The following ADAR variants were observed in gnomAD, a reference collection of about 807,000 sequenced individuals.
The protein encoded by ADAR is adenosine deaminase RNA specific.
In ADAR, 41 loss-of-function variants were observed where a neutral mutation model predicts 113.2. The observed-to-expected ratio is 0.36, with a 90% confidence interval of 0.28 to 0.47. The LOEUF is 0.47. Ranked by LOEUF, ADAR falls within the 20% of genes least tolerant of loss-of-function variation. ADAR has a pLI of 1.00. For synonymous variants in ADAR, 605 were observed against 572.6 expected, an observed-to-expected ratio of 1.06 and a Z score of -0.81; for missense variants, 1,242 against 1,540.9, an observed-to-expected ratio of 0.81 and a Z score of 3.25.
At chr1:154,620,296 A>G (rs1698752347) in intron 1 of ADAR, among the ~76,000 whole-genome samples, 1 of 152,136 alleles carries the variant, frequency 6.6e-6, no homozygotes, top group South Asian at 2.1e-4. Flanking sequence ...AATCCCAGCT[A>G]CTTGGGAGGC....
Position 154,590,337 on chromosome 1 carries a change from C to T in ADAR, c.2343G>A (p.Lys781=), listed in dbSNP as rs1004131934. ...AVCAHSKKQG[K]QEAADAALRV... ...GGAGAGCCGCATCTGCTGCTTCCTG[C>T]TTGCCTTGCTTCTTGCTGTGTGCGC... is the stretch of plus-strand genomic sequence containing the variant. The change falls in exon 7 of 15, where the codon AAG becomes AAA. Residue 781 remains lysine (K), a synonymous_variant. Coordinates refer to ENST00000368474, the MANE Select transcript of ADAR (RefSeq NM_001111.5). 3.1e-6 allele frequency: 5 copies of T among 1,614,182 alleles called. No individual in the cohort carries two copies. Among genetic ancestry groups the T allele is most frequent in the Non-Finnish European group, 8.5e-7 (1 of 1,180,038 alleles).
rs147331601 is a variant in ADAR at position 154,602,435 on chromosome 1, T to C, written c.207A>G (p.Pro69=). The C allele has an allele frequency of 3.7e-6, 6 of 1,611,582 alleles. No homozygotes were observed. Among genetic ancestry groups the C allele is most frequent in the Non-Finnish European group, 5.1e-6 (6 of 1,178,526 alleles). Residue 69 remains proline (P), a synonymous_variant, in exon 2 of 15, where the codon CCA becomes CCG. Transcript: ENST00000368474. ...GTACTGGAAACCTTGGCCGGAGTCC[T>C]GGGAGGGAAGGTGGCAGTGACGGTG... is the stretch of plus-strand genomic sequence containing the variant. ...KQTPSLPPSL[P]GLRPRFPVLL...
intron 1 of ADAR, among the ~76,000 whole-genome samples, chr1:154,618,969 G>A (rs1324589176): frequency 6.6e-6 from 1 of 152,164 alleles, no homozygotes; most frequent in Admixed American, 6.5e-5. Flanking sequence ...CATTAGCCGG[G>A]CGTGGTGGCA....
In ADAR at chr1:154,590,141, A is replaced by AC. The variant is rs3215061; in HGVS notation, c.2496+42dup. ...CCACCTCCACTTAGGAGTTAGGAGG[A>AC]CCCCCCCGCCCCAAAAAAGGCACCA... On this transcript the variant is annotated intron_variant, in intron 7 of 14. Coordinates refer to ENST00000368474, the MANE Select transcript of ADAR (RefSeq NM_001111.5). The AC allele has an allele frequency of 0.11, 82,281 of 731,230 alleles. 2,576 individuals carry two copies. The highest frequency in any genetic ancestry group is 0.28 in the African/African-American group (12,439 of 44,958). 45.3% of individuals were successfully genotyped at this position (731,230 alleles called of 1,614,324 possible).
chr1:154,604,312 C>T (rs984911094), intron 1 of ADAR, among the ~76,000 whole-genome samples: 2 of 152,242 alleles, frequency 1.3e-5, no homozygotes, highest in Non-Finnish European at 2.9e-5. Flanking sequence ...GTGGAACCTG[C>T]TCCTCGCATG....
intron 11 of ADAR, among the ~76,000 whole-genome samples, chr1:154,587,729 C>T (rs535028851): frequency 1.3e-5 from 2 of 152,324 alleles, no homozygotes; most frequent in Admixed American, 1.3e-4. Context: ...ATTTGGCATC[C>T]TCATCTGTCA....
upstream of ADAR, among the ~76,000 whole-genome samples, chr1:154,612,329 T>TG (rs1259056872): frequency 1.5e-5 from 2 of 131,070 alleles, no homozygotes; most frequent in Non-Finnish European, 3.3e-5. Context: ...TTTTTTTTTT[T>TG]TTTTTTTTTT....
intron 3 of ADAR, 40 bp from the exon 4 acceptor site, chr1:154,598,016 A>C: frequency 6.2e-7 from 1 of 1,600,440 alleles, no homozygotes; most frequent in South Asian, 1.1e-5. Context: ...AAAACTAAGA[A>C]AACACTGGTT....
At chr1:154,585,477 G>A (rs1696698132) in intron 13 of ADAR, 133 bp from the exon 14 acceptor site, 4 of 1,346,958 alleles carry the variant, frequency 3.0e-6, no homozygotes, top group Non-Finnish European at 4.2e-6. Flanking sequence ...GGTTCTGTTT[G>A]GCTAAGACTG....
intron 3 of ADAR, 81 bp downstream of exon 3, chr1:154,598,321 C>A (rs1384857546): frequency 6.8e-7 from 1 of 1,474,202 alleles, no homozygotes. Flanking sequence ...GTTGTTTAGG[C>A]TGGGATTGCC....
chr1:154,598,845 G>A (rs1401670340), intron 2 of ADAR, among the ~76,000 whole-genome samples: 1 of 152,160 alleles, frequency 6.6e-6, no homozygotes, highest in African/African-American at 2.4e-5. Flanking sequence ...TAGCTCAGGG[G>A]AAACCCACTA....
At chr1:154,590,942 A>AGATCCCC (rs1366115158) in intron 6 of ADAR, among the ~76,000 whole-genome samples, 1 of 152,196 alleles carries the variant, frequency 6.6e-6, no homozygotes, top group East Asian at 1.9e-4. Context: ...CGAGACAGCA[A>AGATCCCC]GATCCCCATC....
rs1301210913 is a variant in ADAR, at chr1:154,601,338, G to A, written c.1304C>T (p.Pro435Leu). 5 of 1,614,238 alleles carry A rather than the reference G, an allele frequency of 3.1e-6. No individual in the cohort carries two copies. In the East Asian group the frequency reaches 6.7e-5, roughly 22 times the overall value. Residue 435 changes from proline to leucine, a missense_variant, in exon 2 of 15, where the codon CCT becomes CTT. Around this residue, in one of 2 missense-constraint regions of ADAR, gnomAD observed 780 missense variants for 1,057.9 expected, o/e 0.74. Transcript: ENST00000368474. The surrounding 1 kb of genome is among the most constrained non-coding windows in gnomAD (Gnocchi z 4.7). Reference sequence around the variant, plus strand: ...TTTTGAGGGGCCATTGTAATGAACAGGTGGTTTCAGTCTTGCTGGTTCTGG... The same window carrying A: ...TTTTGAGGGGCCATTGTAATGAACAAGTGGTTTCAGTCTTGCTGGTTCTGG... ...ARPEPARLKP[P>L]VHYNGPSKAG...
chr1:154,590,663 G>A (rs1034973703), intron 6 of ADAR, among the ~76,000 whole-genome samples: 1 of 152,020 alleles, frequency 6.6e-6, no homozygotes, highest in Non-Finnish European at 1.5e-5. Context: ...AGCCATTGTG[G>A]CTCACACCTG....
At chr1:154,590,153 C>CG in intron 7 of ADAR, 31 bp downstream of exon 7, 3 of 1,141,320 alleles carry the variant, frequency 2.6e-6, no homozygotes, top group Non-Finnish European at 3.8e-6. Flanking sequence ...CCCCCCGCCC[C>CG]AAAAAAGGCA....
At chr1:154,615,952 A>G (rs1199788256) in intron 1 of ADAR, among the ~76,000 whole-genome samples, 1 of 152,172 alleles carries the variant, frequency 6.6e-6, no homozygotes, top group African/African-American at 2.4e-5. Flanking sequence ...GTTTCCCCGC[A>G]TGTACTTTGG....
chr1:154,623,059 A>G (rs1698834563), intron 1 of ADAR, among the ~76,000 whole-genome samples: 1 of 138,162 alleles, frequency 7.2e-6, no homozygotes, highest in Non-Finnish European at 1.6e-5. Context: ...AGGAATACAA[A>G]GCAAAGGACA....
intron 7 of ADAR, 90 bp downstream of exon 7, chr1:154,590,094 A>G: frequency 5.3e-6 from 8 of 1,507,112 alleles, no homozygotes; most frequent in Non-Finnish European, 7.3e-6. Context: ...AAGCCTAGGA[A>G]TAACTCGCAT....
intron 6 of ADAR, among the ~76,000 whole-genome samples, chr1:154,595,681 A>T (rs1697447159): frequency 6.6e-6 from 1 of 152,188 alleles, no homozygotes; most frequent in Non-Finnish European, 1.5e-5. Flanking sequence ...TAAAGTAAAA[A>T]AGTTACAGTA....
Sources: gnomAD v4.1 joint callset for allele counts (sites outside exome capture counted in the v4.1 genomes callset) on GRCh38, gnomAD v4.1.1 for gene constraint, gnomAD v4.1.1 regional missense constraint, Gnocchi (gnomAD v3.1) non-coding constraint, MANE v1.5 for transcripts, NCBI Gene and HGNC (gene_info 2026-07-23, HGNC 2026-07-21) for gene names.